RBBP8: variants seen among roughly 807,000 people sequenced by gnomAD.
RBBP8 encodes the protein RB binding protein 8, endonuclease.
RBBP8 carries 88 observed loss-of-function variants against 108.3 expected under a neutral mutation model. The ratio of observed to expected loss-of-function variants is 0.81; its 90% CI spans 0.68 to 0.97. The LOEUF is 0.97. RBBP8 is among the 50% of genes least tolerant of loss of function. The pLI is 0.00. For missense variants in RBBP8, 1,023 were observed against 1,049.0 expected (o/e 0.98, Z 0.34); for synonymous variants, 332 against 348.2 (o/e 0.95, Z 0.52).
chr18:22,992,957 C>A lies in RBBP8; in HGVS notation c.1130C>A (p.Ser377Ter). Residue 377 changes from serine to a stop codon, truncating the protein, a stop_gained, in exon 11 of 19, where the codon TCA (serine) becomes TAA (stop). Coordinates refer to ENST00000327155, the MANE Select transcript of RBBP8 (RefSeq NM_002894.3). LOFTEE classifies it high-confidence loss of function. ...TCISRLEKTR[S>*]KSEDSALFTH... ...ATATCTAGATTAGAAAAAACTAGAT[C>A]AAAATCTGAAGATAGTGCCCTTTTC... is the stretch of plus-strand genomic sequence containing the variant. 2 of 1,613,410 alleles carry A rather than the reference C, an allele frequency of 1.2e-6. No individual in the cohort carries two copies. The highest frequency in any genetic ancestry group is 2.2e-5 in the South Asian group (2 of 91,036).
At chr18:23,004,305 A>G (rs2046001845) in intron 15 of RBBP8, among the ~76,000 whole-genome samples, 1 of 152,128 alleles carries the variant, frequency 6.6e-6, no homozygotes, top group Non-Finnish European at 1.5e-5. Flanking sequence ...ACACATATAC[A>G]TAGACACACA....
At chr18:22,923,900 A>G (rs941172297) in intron 3 of RBBP8, among the ~76,000 whole-genome samples, 26 of 152,186 alleles carry the variant, frequency 1.7e-4, no homozygotes, top group African/African-American at 6.0e-4. Context: ...TCTCAAATGT[A>G]CATATCTATT....
chr18:22,961,170 G>T (rs974653786), intron 4 of RBBP8, among the ~76,000 whole-genome samples: 1 of 152,156 alleles, frequency 6.6e-6, no homozygotes, highest in Non-Finnish European at 1.5e-5. Context: ...AAGGAAAAGC[G>T]AATGACAAAA....
chr18:22,949,865 C>G (rs1205450040), intron 4 of RBBP8, 152 bp downstream of exon 4: 1 of 612,488 alleles, frequency 1.6e-6, no homozygotes, highest in African/African-American at 1.9e-5. Context: ...AAACAAGGAT[C>G]TATTCTTTAA....
At chr18:23,012,737 G>T (rs1272765474) in intron 16 of RBBP8, among the ~76,000 whole-genome samples, 2 of 152,240 alleles carry the variant, frequency 1.3e-5, no homozygotes, top group African/African-American at 4.8e-5. Context: ...GCTGAGATCA[G>T]TGATGAAGGT....
At chr18:22,987,750 G>A (rs930689083) in intron 8 of RBBP8, among the ~76,000 whole-genome samples, 5 of 152,128 alleles carry the variant, frequency 3.3e-5, no homozygotes, top group African/African-American at 7.2e-5. Context: ...CACTGTACCC[G>A]GCTTCACTTT....
chr18:22,932,428 TAGA>T (rs1406813835), upstream of RBBP8, among the ~76,000 whole-genome samples: 4 of 152,252 alleles, frequency 2.6e-5, no homozygotes, highest in African/African-American at 7.2e-5. Flanking sequence ...AACAGGCTAA[TAGA>T]AGGTTTAGCA....
In RBBP8 at chr18:23,006,437, G is replaced by A; in HGVS notation, c.2357+5G>A. The A allele has an allele frequency of 6.2e-7, 1 of 1,609,232 alleles. No individual in the cohort carries two copies. The highest frequency in any genetic ancestry group is 8.5e-7 in the Non-Finnish European group (1 of 1,175,726). ...GTATTTTAAAGGTGATGAAAGGTAAGTTGGTTTTTATTTATACCAGCAATG... is the reference window on the plus strand; with the variant it reads ...GTATTTTAAAGGTGATGAAAGGTAAATTGGTTTTTATTTATACCAGCAATG... On this transcript the variant is annotated splice_donor_5th_base_variant and intron_variant, in intron 16 of 18. Coordinates refer to ENST00000327155, the MANE Select transcript of RBBP8 (RefSeq NM_002894.3).
chr18:22,944,121 C>T (rs1469545322), intron 2 of RBBP8, among the ~76,000 whole-genome samples: 1 of 152,178 alleles, frequency 6.6e-6, no homozygotes, highest in African/African-American at 2.4e-5. Context: ...AGGATTAAAG[C>T]ACACTTTATA....
At chr18:22,944,936 A>G (rs796097139) in intron 2 of RBBP8, among the ~76,000 whole-genome samples, 13 of 152,356 alleles carry the variant, frequency 8.5e-5, no homozygotes, top group African/African-American at 3.1e-4. Flanking sequence ...TGTTGTCCAA[A>G]AGATTGTATC....
At chr18:23,012,207 C>CAAGAAA (rs368600707) in intron 16 of RBBP8, among the ~76,000 whole-genome samples, 1 of 81,144 alleles carries the variant, frequency 1.2e-5, no homozygotes, top group African/African-American at 4.7e-5. Context: ...GATGCTGTCT[C>CAAGAAA]CAAAAAAAAA....
At position 23,000,752 on chromosome 18, in the gene RBBP8, A is replaced by T. The variant is rs186770895; in HGVS notation, c.2144-834A>T. Among the ~76,000 whole-genome samples the T allele has an allele frequency of 2.4e-3, 369 of 152,186 alleles. 2 individuals are homozygous for T. The highest frequency in any genetic ancestry group is 8.3e-3 in the African/African-American group (344 of 41,514). On this transcript the variant is annotated intron_variant, in intron 14 of 18. Coordinates refer to ENST00000327155, the MANE Select transcript of RBBP8 (RefSeq NM_002894.3). ...CAAGACTCCGTCTCAAAAAAAAAAA[A>T]AAAGCATGAGTAAAGAACATTTAAA...
intron 10 of RBBP8, among the ~76,000 whole-genome samples, chr18:22,992,519 A>G (rs1001765752): frequency 2.0e-5 from 3 of 152,184 alleles, no homozygotes; most frequent in Non-Finnish European, 2.9e-5. Flanking sequence ...TGTATAATAA[A>G]GTTATTTAAA....
At position 22,949,698 on chromosome 18, in the gene RBBP8, A is replaced by T; in HGVS notation, c.233A>T (p.Lys78Ile). 1 of 1,611,186 alleles carries T rather than the reference A, an allele frequency of 6.2e-7. No homozygotes were observed. Residue 78 changes from lysine to isoleucine, a missense_variant, in exon 4 of 19, where the codon AAA (lysine) becomes ATA (isoleucine). Lys to Ile is a moderately radical substitution (Grantham distance 102). Transcript: ENST00000327155. ...EQQKVLHETI[K>I]VLEDRLRAGL... Reference sequence around the variant, plus strand: ...CAGAAAGTCCTTCATGAAACCATTAAAGTTTTAGAAGATCGGTGAGTCTGG... The same window carrying T: ...CAGAAAGTCCTTCATGAAACCATTATAGTTTTAGAAGATCGGTGAGTCTGG...
chr18:22,947,470 T>G (rs531135390), intron 3 of RBBP8, among the ~76,000 whole-genome samples: 188 of 152,194 alleles, frequency 1.2e-3, no homozygotes, highest in African/African-American at 4.4e-3. Flanking sequence ...GTTATCTATT[T>G]TATTACAGTT....
intron 12 of RBBP8, 74 bp downstream of exon 12, chr18:22,993,921 T>A: frequency 1.4e-6 from 2 of 1,478,980 alleles, no homozygotes; most frequent in Non-Finnish European, 1.9e-6. Context: ...CTTTTTTAAA[T>A]AGATTGAATT....
At chr18:22,935,271 A>G (rs1336761459) in intron 1 of RBBP8, among the ~76,000 whole-genome samples, 3 of 150,020 alleles carry the variant, frequency 2.0e-5, no homozygotes, top group Non-Finnish European at 4.4e-5. Context: ...TCTTCACCCA[A>G]CATCCATTTT....
At position 22,990,576 on chromosome 18, in the gene RBBP8, C is replaced by T. The variant is rs544634763; in HGVS notation, c.808-361C>T. 8.5e-5 allele frequency among the ~76,000 whole-genome samples: 13 copies of T among 152,234 alleles called. No homozygotes were observed. In the South Asian group the frequency reaches 2.3e-3, roughly 27 times the overall value. On this transcript the variant is annotated intron_variant, in intron 9 of 18. Coordinates refer to ENST00000327155, the MANE Select transcript of RBBP8 (RefSeq NM_002894.3). Reference sequence around the variant, plus strand: ...AAATTAATTATTTTGAAGTGTACAACTCAGTGATATTTAGTACATTCATAA... The same window carrying T: ...AAATTAATTATTTTGAAGTGTACAATTCAGTGATATTTAGTACATTCATAA...
rs1259431464 is a variant in RBBP8 at position 22,927,506 on chromosome 18, A to G, written c.-153-1877A>G. Among the ~76,000 whole-genome samples, 3 of 152,194 alleles carry G rather than the reference A, an allele frequency of 2.0e-5. No homozygotes were observed. The East Asian group carries it at 5.8e-4, about 29-fold the overall frequency. On this transcript the variant is annotated intron_variant, in intron 3 of 4. Coordinates refer to the RBBP8 transcript ENST00000577588. ...ATGCTGGGCCTGCGCTGTACGATAC[A>G]GTAGCCACTAGTCACATGCAGACTT...
Sources: allele counts gnomAD v4.1 joint callset (sites outside exome capture counted in the v4.1 genomes callset), GRCh38; gene constraint gnomAD v4.1.1; transcripts MANE v1.5; gene names NCBI Gene and HGNC (gene_info 2026-07-23, HGNC 2026-07-21).